The following STX12 variants were observed in gnomAD, a reference collection of about 807,000 sequenced individuals.
STX12 encodes the protein syntaxin 12, also known as syntaxin-12.
Under a neutral mutation model 42.2 loss-of-function variants are expected in STX12, and 17 were observed. The ratio of observed to expected loss-of-function variants is 0.40; its 90% CI spans 0.28 to 0.60. STX12 has a LOEUF of 0.60. Ranked by LOEUF, STX12 falls within the 20% of genes least tolerant of loss-of-function variation. STX12 has a pLI of 0.39. For synonymous variants in STX12, 108 were observed against 116.7 expected, an observed-to-expected ratio of 0.93 and a Z score of 0.48; for missense variants, 297 against 330.9, an observed-to-expected ratio of 0.90 and a Z score of 0.79.
chr1:27,816,479 A>G (rs1326284566), intron 6 of STX12, among the ~76,000 whole-genome samples: 1 of 151,670 alleles, frequency 6.6e-6, no homozygotes, highest in Non-Finnish European at 1.5e-5. Flanking sequence ...GTCTCAAAAA[A>G]AACAAGTAAT....
intron 1 of STX12, among the ~76,000 whole-genome samples, chr1:27,778,332 G>C (rs2088641474): frequency 6.6e-6 from 1 of 152,224 alleles, no homozygotes; most frequent in Non-Finnish European, 1.5e-5. Context: ...GTCTGGGCAA[G>C]TATTGCTGAG....
chr1:27,793,241 A>G (rs1028618352), intron 2 of STX12, among the ~76,000 whole-genome samples: 1 of 152,198 alleles, frequency 6.6e-6, no homozygotes, highest in African/African-American at 2.4e-5. Context: ...TTATATTTTT[A>G]TCAGAACTGC....
chr1:27,799,704 C>T (rs984725506), intron 3 of STX12, among the ~76,000 whole-genome samples: 4 of 151,820 alleles, frequency 2.6e-5, no homozygotes, highest in Admixed American at 2.0e-4. Context: ...AGATGGTCTC[C>T]ATCTCCTGGC....
chr1:27,787,047 T>C (rs926405041), intron 1 of STX12, among the ~76,000 whole-genome samples: 2 of 152,218 alleles, frequency 1.3e-5, no homozygotes, highest in South Asian at 2.1e-4. Flanking sequence ...AGAATAGATA[T>C]CTTTTAGAGA....
At chr1:27,780,725 GT>G (rs1197385110) in intron 1 of STX12, among the ~76,000 whole-genome samples, 55 of 152,138 alleles carry the variant, frequency 3.6e-4, no homozygotes, top group African/African-American at 1.2e-3. Flanking sequence ...GCTGAGGCGA[GT>G]GGATCTCTTG....
At chr1:27,821,169 A>T (rs1222685801) in intron 8 of STX12, among the ~76,000 whole-genome samples, 1 of 140,558 alleles carries the variant, frequency 7.1e-6, no homozygotes, top group Non-Finnish European at 1.6e-5. Flanking sequence ...ACGTATAATT[A>T]AAAAAAAAAA....
intron 6 of STX12, among the ~76,000 whole-genome samples, chr1:27,813,076 A>C (rs1221464380): frequency 1.3e-5 from 2 of 152,208 alleles, no homozygotes; most frequent in Non-Finnish European, 2.9e-5. Flanking sequence ...TCAGAGAAAT[A>C]GGAACAGTTT....
chr1:27,798,618 C>T (rs1234029711), intron 3 of STX12, among the ~76,000 whole-genome samples: 6 of 135,300 alleles, frequency 4.4e-5, no homozygotes, highest in Non-Finnish European at 6.2e-5. Context: ...GCACTCCAGC[C>T]GGGGTGACAG....
chr1:27,781,256 C>G (rs1162678765), intron 1 of STX12, among the ~76,000 whole-genome samples: 1 of 152,022 alleles, frequency 6.6e-6, no homozygotes, highest in Non-Finnish European at 1.5e-5. Context: ...GTTGACCAAG[C>G]TGGTCTCGAA....
At chr1:27,783,930 G>A (rs60019800) in intron 1 of STX12, among the ~76,000 whole-genome samples, 1 of 152,136 alleles carries the variant, frequency 6.6e-6, no homozygotes, top group African/African-American at 2.4e-5. Context: ...TATAATCCCA[G>A]CACTTTGGGA....
At position 27,808,354 on chromosome 1, in the gene STX12, T is replaced by C. The variant is rs184658542; in HGVS notation, c.427-1892T>C. ...TTATTTATTTATTTATTTATTTATT[T>C]ATTCTGAGAGGGAGTCTCACTCTGT... On this transcript the variant is annotated intron_variant, in intron 4 of 8. Coordinates refer to ENST00000373943, the MANE Select transcript of STX12 (RefSeq NM_177424.3). Among the ~76,000 whole-genome samples, 130 of 148,178 alleles carry C rather than the reference T, an allele frequency of 8.8e-4. 5 individuals are homozygous for C. Among genetic ancestry groups the C allele is most frequent in the Non-Finnish European group, 3.5e-4 (24 of 67,628 alleles).
At chr1:27,781,658 C>T (rs2088668988) in intron 1 of STX12, among the ~76,000 whole-genome samples, 1 of 152,060 alleles carries the variant, frequency 6.6e-6, no homozygotes, top group Non-Finnish European at 1.5e-5. Context: ...GCAATTTTCC[C>T]TCACAGTTTA....
chr1:27,812,599 G>A (rs570038870), intron 6 of STX12, among the ~76,000 whole-genome samples: 1 of 151,954 alleles, frequency 6.6e-6, no homozygotes, highest in Non-Finnish European at 1.5e-5. Flanking sequence ...GTGCCACCAC[G>A]CCCAGCTAAT....
At chr1:27,821,653 A>ATATATTTT (rs1379796158) in intron 8 of STX12, among the ~76,000 whole-genome samples, 2 of 152,178 alleles carry the variant, frequency 1.3e-5, no homozygotes, top group African/African-American at 2.4e-5. Flanking sequence ...TATTGCAAAT[A>ATATATTTT]ATGCCTGGCA....
At chr1:27,778,803 C>G (rs1397382642) in intron 1 of STX12, among the ~76,000 whole-genome samples, 1 of 152,164 alleles carries the variant, frequency 6.6e-6, no homozygotes, top group Non-Finnish European at 1.5e-5. Context: ...CTCTGTCACC[C>G]AGGCTGGAAT....
chr1:27,782,434 C>T (rs2088673730), intron 1 of STX12, among the ~76,000 whole-genome samples: 4 of 152,266 alleles, frequency 2.6e-5, no homozygotes. Flanking sequence ...TGCTCTTAAC[C>T]ATTGCATATT....
chr1:27,822,351 C>T lies in STX12; in HGVS notation c.*22C>T, dbSNP rs2088990707. On this transcript the variant is annotated 3_prime_UTR_variant, in exon 9 of 9. Transcript: ENST00000373943. ...GTGATTGCCTCCGATCGTTCTCCCG[C>T]TGAGCTGTTTTCAAGGGCAAGTGCT... 3 of 1,509,352 alleles carry T rather than the reference C, an allele frequency of 2.0e-6. No homozygotes were observed. The highest frequency in any genetic ancestry group is 2.8e-6 in the Non-Finnish European group (3 of 1,084,428). 93.5% of individuals were successfully genotyped at this position (1,509,352 alleles called of 1,614,324 possible).
chr1:27,799,482 TTTTTTTG>T (rs2088811987), intron 3 of STX12, among the ~76,000 whole-genome samples: 1 of 148,694 alleles, frequency 6.7e-6, no homozygotes, highest in African/African-American at 2.6e-5. Flanking sequence ...AGCTTGTTTT[TTTTTTTG>T]TTTTTTTTTT....
chr1:27,777,492 G>A (rs556890803), intron 1 of STX12, among the ~76,000 whole-genome samples: 20 of 152,130 alleles, frequency 1.3e-4, no homozygotes, highest in Non-Finnish European at 1.9e-4. Flanking sequence ...AAATTGATTT[G>A]AATGAATGAG....
Sources: allele counts gnomAD v4.1 joint callset (sites outside exome capture counted in the v4.1 genomes callset), GRCh38; gene constraint gnomAD v4.1.1; transcripts MANE v1.5; gene names NCBI Gene and HGNC (gene_info 2026-07-23, HGNC 2026-07-21).